Variants in PID1 observed in about 807,000 individuals in gnomAD.
PID1 encodes PTB-containing, cubilin and LRP1-interacting protein.
A neutral mutation model predicts 19.1 loss-of-function variants in PID1; 10 were observed. The ratio of observed to expected loss-of-function variants is 0.52; its 90% CI spans 0.32 to 0.89. The LOEUF is 0.89. PID1 is among the 40% of genes least tolerant of loss of function. The pLI, the probability that PID1 is intolerant of heterozygous loss-of-function variation, is 0.03. For missense variants in PID1, 248 were observed against 285.3 expected (o/e 0.87, Z 0.94); for synonymous variants, 130 against 116.0 (o/e 1.12, Z -0.78).
At chr2:229,153,689 C>T (rs1690305046) in intron 2 of PID1, among the ~76,000 whole-genome samples, 2 of 152,150 alleles carry the variant, frequency 1.3e-5, no homozygotes, top group African/African-American at 4.8e-5. Context: ...TAATCCTTTT[C>T]AGAAAAATGA....
intron 2 of PID1, among the ~76,000 whole-genome samples, chr2:229,069,877 T>A (rs1007250631): frequency 6.6e-6 from 1 of 152,184 alleles, no homozygotes; most frequent in African/African-American, 2.4e-5. Context: ...AAACTGACTT[T>A]TCAAGACTCA....
At chr2:229,140,453 A>G (rs751137790) in intron 2 of PID1, among the ~76,000 whole-genome samples, 1 of 151,344 alleles carries the variant, frequency 6.6e-6, no homozygotes, top group Non-Finnish European at 1.5e-5. Context: ...ACATTCCTAC[A>G]AATAAATGAC....
At chr2:229,026,755 A>G (rs1167997819) in intron 2 of PID1, among the ~76,000 whole-genome samples, 1 of 152,214 alleles carries the variant, frequency 6.6e-6, no homozygotes, top group African/African-American at 2.4e-5. Flanking sequence ...GCATCTGTTG[A>G]TCTGATAATA....
At chr2:229,255,267 T>C (rs892914619) in intron 1 of PID1, among the ~76,000 whole-genome samples, 1 of 152,182 alleles carries the variant, frequency 6.6e-6, no homozygotes, top group Non-Finnish European at 1.5e-5. Context: ...GTGAGTCGAT[T>C]CCAAGTATGT....
At chr2:229,226,857 AC>A (rs1450049508) in intron 1 of PID1, among the ~76,000 whole-genome samples, 4 of 152,290 alleles carry the variant, frequency 2.6e-5, no homozygotes, top group African/African-American at 9.6e-5. Flanking sequence ...CTGTTAGATG[AC>A]CCCCTTTAAA....
chr2:229,055,027 G>A (rs1306961648), intron 2 of PID1, among the ~76,000 whole-genome samples: 1 of 152,138 alleles, frequency 6.6e-6, no homozygotes, highest in Non-Finnish European at 1.5e-5. Context: ...ATGAAGAGGA[G>A]GGAGAACACC....
At chr2:229,212,339 A>T (rs898415660) in intron 1 of PID1, among the ~76,000 whole-genome samples, 8 of 152,224 alleles carry the variant, frequency 5.3e-5, no homozygotes, top group African/African-American at 1.9e-4. Flanking sequence ...CATCACAGAG[A>T]GATGTTACAG....
At chr2:229,093,189 G>A (rs116515642) in intron 2 of PID1, among the ~76,000 whole-genome samples, 254 of 149,266 alleles carry the variant, frequency 1.7e-3, no homozygotes, top group African/African-American at 6.1e-3. Context: ...CTGGAAAGCA[G>A]TGGCACGATC....
chr2:229,186,308 G>A (rs1486613323), intron 1 of PID1, among the ~76,000 whole-genome samples: 1 of 152,168 alleles, frequency 6.6e-6, no homozygotes, highest in African/African-American at 2.4e-5. Context: ...AGCTGTCGGT[G>A]GATCTACCAT....
chr2:229,090,983 C>A (rs1288744935), intron 2 of PID1, among the ~76,000 whole-genome samples: 2 of 152,166 alleles, frequency 1.3e-5, no homozygotes, highest in Non-Finnish European at 2.9e-5. Flanking sequence ...TGATAACTGC[C>A]TGAAGGGCCT....
intron 2 of PID1, among the ~76,000 whole-genome samples, chr2:229,086,930 C>CACACAA (rs1333578352): frequency 1.3e-5 from 2 of 151,716 alleles, no homozygotes; most frequent in African/African-American, 4.9e-5. Flanking sequence ...CACACACACA[C>CACACAA]ACACACACTG....
intron 2 of PID1, among the ~76,000 whole-genome samples, chr2:229,078,623 C>T (rs914593910): frequency 1.3e-5 from 2 of 152,162 alleles, no homozygotes; most frequent in Admixed American, 6.5e-5. Context: ...TGAATTTTAT[C>T]GAAGGCCTGT....
chr2:229,084,676 G>A (rs1313073295), intron 2 of PID1, among the ~76,000 whole-genome samples: 1 of 152,168 alleles, frequency 6.6e-6, no homozygotes, highest in Non-Finnish European at 1.5e-5. Flanking sequence ...TTTGTTGTAT[G>A]ACCATTAAAA....
chr2:229,245,316 C>T (rs1294647313), intron 1 of PID1, among the ~76,000 whole-genome samples: 1 of 152,130 alleles, frequency 6.6e-6, no homozygotes, highest in Non-Finnish European at 1.5e-5. Flanking sequence ...CACTCCAAGC[C>T]TCCTGGTAAA....
intron 2 of PID1, among the ~76,000 whole-genome samples, chr2:229,040,194 G>A (rs972606817): frequency 6.0e-5 from 9 of 150,864 alleles, no homozygotes; most frequent in African/African-American, 1.2e-4. Flanking sequence ...TGAGGAGGGC[G>A]GATCACCTGA....
In PID1 at chr2:229,102,368, T is replaced by C. The variant is rs555290290; in HGVS notation, c.177+53450A>G. The stretch of plus-strand genomic sequence containing the variant: ...CTGTTCTAAGCCATTATGTTTGTGG[T>C]CATTTATTACAGCAGCAAGAAGAAG... On this transcript the variant is annotated intron_variant, in intron 2 of 2. Transcript: ENST00000392055. Among the ~76,000 whole-genome samples, 4 of 151,858 alleles carry C rather than the reference T, an allele frequency of 2.6e-5. No homozygotes were observed. The East Asian group carries it at 7.7e-4, about 29-fold the overall frequency.
At chr2:229,167,647 C>G (rs1241616997) in intron 1 of PID1, among the ~76,000 whole-genome samples, 1 of 151,994 alleles carries the variant, frequency 6.6e-6, no homozygotes, top group Non-Finnish European at 1.5e-5. Flanking sequence ...TGACATATAC[C>G]TCATAAAAAA....
At chr2:229,232,146 G>T in intron 1 of PID1, 1 of 1,444,346 alleles carries the variant, frequency 6.9e-7, no homozygotes, top group Non-Finnish European at 9.1e-7. Context: ...CCTCTTGGCC[G>T]GGTGCAGTGG....
In PID1 at chr2:229,025,244, C is replaced by T. The variant is rs755588103; in HGVS notation, c.*388G>A. ...ACCCCACTAGAGATCCCATAGGTGC[C>T]CCTAACATTCTTGTGGAATTTCATA... On this transcript the variant is annotated 3_prime_UTR_variant, in exon 3 of 3. Transcript: ENST00000392055. 2 of 201,574 alleles carry T rather than the reference C, an allele frequency of 9.9e-6. No individual in the cohort carries two copies. Among genetic ancestry groups the T allele is most frequent in the Non-Finnish European group, 2.1e-5 (2 of 96,636 alleles). The allele number at this position is 201,574 out of a possible 1,614,324, so 12.5% of individuals were successfully genotyped here. A position where few individuals can be genotyped will look rare whatever the true frequency, so the allele number is the denominator to read the frequency against.
Sources: allele counts gnomAD v4.1 joint callset (sites outside exome capture counted in the v4.1 genomes callset), GRCh38; gene constraint gnomAD v4.1.1; transcripts MANE v1.5; gene names NCBI Gene and HGNC (gene_info 2026-07-23, HGNC 2026-07-21).